ZNF469: variants seen among roughly 807,000 people sequenced by gnomAD.
ZNF469 encodes the protein zinc finger protein 469.
In ZNF469, 1 loss-of-function variant was observed where a neutral mutation model predicts 1.0. That is an observed-to-expected ratio of 1.00 (90% CI 0.35 to 4.73). The LOEUF is 4.73. Among genes scored for constraint, ZNF469 ranks in the 30% most tolerant of loss-of-function variants. ZNF469 has a pLI of 0.16. For synonymous variants in ZNF469, 2,703 were observed against 2,363.4 expected, an observed-to-expected ratio of 1.14 and a Z score of -4.17; for missense variants, 6,100 against 5,356.3, an observed-to-expected ratio of 1.14 and a Z score of -4.33.
chr16:88,193,942 C>T, the ZNF469 span, among the ~76,000 whole-genome samples: 500 of 152,284 alleles, frequency 3.3e-3, 3 homozygotes, highest in Middle Eastern at 0.014. Context: ...TTCTTAACCT[C>T]GTCACCTCTC....
At position 88,438,917 on chromosome 16, in the gene ZNF469, A is replaced by C. The variant is rs1184199932; in HGVS notation, c.11447A>C (p.Lys3816Thr). ...AAGGAGAAGGGAGAGAGCAGTACGA[A>C]GAGGAAAAAGGGCCAGGTCCCAGGG... is the stretch of plus-strand genomic sequence containing the variant. The part of the protein sequence containing the change: ...GPKEKGESST[K>T]RKKGQVPGPA... Residue 3816 changes from lysine (K) to threonine (T), a missense_variant, in exon 3 of 3, where the codon AAG becomes ACG. Coordinates refer to ENST00000565624, the MANE Select transcript of ZNF469 (RefSeq NM_001367624.2). 1.3e-6 allele frequency: 2 copies of C among 1,550,442 alleles called. No individual in the cohort carries two copies. Among genetic ancestry groups the C allele is most frequent in the African/African-American group, 1.4e-5 (1 of 73,054 alleles).
chr16:88,242,823 G>A, the ZNF469 span, among the ~76,000 whole-genome samples: 1 of 152,234 alleles, frequency 6.6e-6, no homozygotes, highest in Admixed American at 6.5e-5. Flanking sequence ...TCCTGTCATG[G>A]AGGGGAAAAC....
At chr16:88,129,781 A>C in the ZNF469 span, among the ~76,000 whole-genome samples, 2 of 152,256 alleles carry the variant, frequency 1.3e-5, no homozygotes, top group African/African-American at 4.8e-5. Flanking sequence ...GGATCACTTC[A>C]GTCCAGATCA....
At chr16:88,270,403 G>T in the ZNF469 span, among the ~76,000 whole-genome samples, 2 of 152,222 alleles carry the variant, frequency 1.3e-5, no homozygotes, top group Non-Finnish European at 2.9e-5. Context: ...AGCTCACCAG[G>T]GTCCTGGATG....
the ZNF469 span, among the ~76,000 whole-genome samples, chr16:88,251,913 T>C: frequency 7.4e-3 from 1,117 of 151,440 alleles, 13 homozygotes; most frequent in African/African-American, 0.026. Flanking sequence ...ATCCTGGAGA[T>C]TTTCCCTGCA....
the ZNF469 span, among the ~76,000 whole-genome samples, chr16:88,143,428 G>A: frequency 6.6e-6 from 1 of 152,210 alleles, no homozygotes; most frequent in Non-Finnish European, 1.5e-5. Flanking sequence ...CCGAGGCTGT[G>A]TTCCTTGTTG....
the ZNF469 span, among the ~76,000 whole-genome samples, chr16:88,153,918 C>T: frequency 1.3e-5 from 2 of 152,174 alleles, no homozygotes; most frequent in Non-Finnish European, 2.9e-5. Flanking sequence ...GGATCAGGGC[C>T]CCACTCTCAA....
the ZNF469 span, among the ~76,000 whole-genome samples, chr16:88,228,080 G>A: frequency 3.9e-5 from 6 of 152,244 alleles, no homozygotes; most frequent in Admixed American, 6.5e-5. Flanking sequence ...TAGGGCCCCC[G>A]ATCCAGTATG....
chr16:88,197,288 G>C, the ZNF469 span, among the ~76,000 whole-genome samples: 1 of 152,178 alleles, frequency 6.6e-6, no homozygotes, highest in African/African-American at 2.4e-5. Context: ...CTCACCGCGG[G>C]ATCCTGCCTC....
chr16:88,381,249 C>T (rs1178084868), upstream of ZNF469, among the ~76,000 whole-genome samples: 5 of 149,866 alleles, frequency 3.3e-5, no homozygotes, highest in Admixed American at 3.3e-4. Flanking sequence ...CACAGACATG[C>T]ACTCACACGC....
the ZNF469 span, among the ~76,000 whole-genome samples, chr16:88,184,980 T>C: frequency 2.6e-5 from 4 of 151,910 alleles, no homozygotes; most frequent in Non-Finnish European, 5.9e-5. Flanking sequence ...AAGACTTACA[T>C]ATTCACACTC....
the ZNF469 span, among the ~76,000 whole-genome samples, chr16:88,165,366 G>A: frequency 6.6e-6 from 1 of 152,208 alleles, no homozygotes; most frequent in Non-Finnish European, 1.5e-5. Flanking sequence ...TGTCCCCGAT[G>A]GCTGTGAAAG....
At chr16:88,118,238 C>T in the ZNF469 span, among the ~76,000 whole-genome samples, 4 of 152,234 alleles carry the variant, frequency 2.6e-5, no homozygotes, top group Admixed American at 1.3e-4. Context: ...CCACTGCACC[C>T]GGCTCCTATC....
chr16:88,362,381 A>G, the ZNF469 span, among the ~76,000 whole-genome samples: 3 of 152,296 alleles, frequency 2.0e-5, no homozygotes, highest in African/African-American at 7.2e-5. Flanking sequence ...TTTCTATCTG[A>G]ATTCCTACCT....
the ZNF469 span, among the ~76,000 whole-genome samples, chr16:88,229,177 G>A: frequency 1.4e-4 from 21 of 152,068 alleles, no homozygotes; most frequent in African/African-American, 3.6e-4. Context: ...AGATAAAATC[G>A]ATGTAAATAT....
intron 1 of ZNF469, among the ~76,000 whole-genome samples, chr16:88,405,553 G>A (rs187909632): frequency 6.6e-6 from 1 of 152,304 alleles, no homozygotes; most frequent in East Asian, 1.9e-4. Flanking sequence ...GGCTGGAGAG[G>A]ACTCCAGTGG....
the ZNF469 span, among the ~76,000 whole-genome samples, chr16:88,130,589 C>G: frequency 6.6e-6 from 1 of 151,852 alleles, no homozygotes. Context: ...GCCTGTAGTC[C>G]CAGCTACTCG....
chr16:88,256,376 G>A, the ZNF469 span, among the ~76,000 whole-genome samples: 1 of 152,300 alleles, frequency 6.6e-6, no homozygotes, highest in South Asian at 2.1e-4. Flanking sequence ...TCCTTTCATG[G>A]TTTGCAGCTC....
intron 1 of ZNF469, among the ~76,000 whole-genome samples, chr16:88,423,665 A>G (rs1224613452): frequency 6.6e-6 from 1 of 152,230 alleles, no homozygotes. Context: ...AGCATCATCC[A>G]AAGGCCCAAC....
Sources: gnomAD v4.1 joint callset for allele counts (sites outside exome capture counted in the v4.1 genomes callset) on GRCh38, gnomAD v4.1.1 for gene constraint, MANE v1.5 for transcripts, NCBI Gene and HGNC (gene_info 2026-07-23, HGNC 2026-07-21) for gene names.